Variants in DDX46 observed in about 807,000 individuals in gnomAD.
The protein encoded by DDX46 is DEAD-box helicase 46, also known as probable ATP-dependent RNA helicase DDX46.
In DDX46, 30 loss-of-function variants were observed where a neutral mutation model predicts 134.9. The observed-to-expected ratio is 0.22, with a 90% confidence interval of 0.17 to 0.30. The LOEUF is 0.30. Among genes scored for constraint, DDX46 ranks in the 10% least tolerant of loss-of-function variants. DDX46 has a pLI of 1.00. For synonymous variants in DDX46, 415 were observed against 404.1 expected (o/e 1.03, Z -0.32); for missense variants, 622 against 1,248.7 (o/e 0.50, Z 7.56).
chr5:134,806,652 T>G (rs951283604), intron 15 of DDX46, among the ~76,000 whole-genome samples: 4 of 152,248 alleles, frequency 2.6e-5, no homozygotes, highest in African/African-American at 9.6e-5. Context: ...AAGAGTACCT[T>G]TAAAATTTTA....
intron 8 of DDX46, among the ~76,000 whole-genome samples, chr5:134,782,312 C>A (rs1356915584): frequency 6.6e-6 from 1 of 151,886 alleles, no homozygotes; most frequent in African/African-American, 2.4e-5. Context: ...TCGAGACCAG[C>A]CTGGGCAATA....
chr5:134,805,633 A>G (rs894585450), intron 15 of DDX46, among the ~76,000 whole-genome samples: 8 of 151,662 alleles, frequency 5.3e-5, no homozygotes, highest in Admixed American at 3.3e-4. Context: ...GGTTCAAGCA[A>G]TTCTCCTGCT....
rs546927844 is a variant in DDX46, at chr5:134,805,485, C to G, written c.1955-2263C>G. Reference sequence around the variant, plus strand: ...CTGGCTGAGGAACTGTATTTTTAAACAAATCCAGTATTTAAAAATTTCCTC... The same window carrying G: ...CTGGCTGAGGAACTGTATTTTTAAAGAAATCCAGTATTTAAAAATTTCCTC... On this transcript the variant is annotated intron_variant, in intron 15 of 22. Transcript: ENST00000452510. Among the ~76,000 whole-genome samples, 3 of 151,366 alleles carry G rather than the reference C, an allele frequency of 2.0e-5. No individual in the cohort carries two copies. The South Asian group carries it at 6.3e-4, about 32-fold the overall frequency.
intron 21 of DDX46, among the ~76,000 whole-genome samples, chr5:134,823,130 G>A (rs1732274177): frequency 8.2e-6 from 1 of 122,586 alleles, no homozygotes; most frequent in African/African-American, 3.0e-5. Context: ...CTCAGGTTTT[G>A]TTTATCTGAG....
intron 3 of DDX46, among the ~76,000 whole-genome samples, chr5:134,769,007 G>A (rs930137913): frequency 6.6e-6 from 1 of 152,078 alleles, no homozygotes; most frequent in Non-Finnish European, 1.5e-5. Flanking sequence ...GCAGTGAGCC[G>A]AGATTGCGCC....
Position 134,758,903 on chromosome 5 carries a change from G to C in DDX46, c.-36G>C, listed in dbSNP as rs367648015. 5.0e-6 allele frequency: 8 copies of C among 1,613,504 alleles called. No individual in the cohort carries two copies. Among genetic ancestry groups the C allele is most frequent in the Non-Finnish European group, 6.8e-6 (8 of 1,179,872 alleles). On this transcript the variant is annotated 5_prime_UTR_variant, in exon 1 of 23. Coordinates refer to ENST00000452510, the MANE Select transcript of DDX46 (RefSeq NM_001300860.2). ...TGTTTGTCCGGTTCGCCTGTGCGTG[G>C]TACTCAAGGGCACCAGTATTCCCGC...
chr5:134,798,163 G>GC (rs562796309), intron 15 of DDX46, among the ~76,000 whole-genome samples: 143 of 147,410 alleles, frequency 9.7e-4, no homozygotes, highest in Middle Eastern at 3.9e-3. Flanking sequence ...AAATATCCCC[G>GC]CCCCCCACCG....
intron 15 of DDX46, among the ~76,000 whole-genome samples, chr5:134,806,032 G>A (rs1754977966): frequency 6.6e-6 from 1 of 151,256 alleles, no homozygotes; most frequent in Non-Finnish European, 1.5e-5. Flanking sequence ...GGCCAACATG[G>A]TGAAACCCTG....
chr5:134,793,577 GTATTT>G (rs200333240), intron 13 of DDX46, among the ~76,000 whole-genome samples: 1,722 of 152,098 alleles, frequency 0.011, 17 homozygotes, highest in Middle Eastern at 0.061. Context: ...GCTAATTTTT[GTATTT>G]TTAGTAGAGA....
At chr5:134,773,298 CAT>C (rs1474870216) in intron 4 of DDX46, among the ~76,000 whole-genome samples, 1 of 152,116 alleles carries the variant, frequency 6.6e-6, no homozygotes, top group Non-Finnish European at 1.5e-5. Flanking sequence ...AATTGCTTTT[CAT>C]AGAGGCAATT....
intron 1 of DDX46, among the ~76,000 whole-genome samples, chr5:134,762,249 CAAAAAAA>C (rs748727468): frequency 1.1e-5 from 1 of 93,420 alleles, no homozygotes; most frequent in Non-Finnish European, 2.3e-5. Flanking sequence ...CATCTCTACC[CAAAAAAA>C]AAAAAAAAAA....
At chr5:134,818,767 A>ATAT in intron 20 of DDX46, 93 bp from the exon 21 acceptor site, 1 of 1,056,320 alleles carries the variant, frequency 9.5e-7, no homozygotes, top group Non-Finnish European at 1.3e-6. Context: ...ACCAACCATA[A>ATAT]TATGATATCA....
Position 134,758,838 on chromosome 5 carries a change from C to A in DDX46, c.-101C>A. 1 of 1,571,476 alleles carries A rather than the reference C, an allele frequency of 6.4e-7. No homozygotes were observed. Among genetic ancestry groups the A allele is most frequent in the Non-Finnish European group, 8.7e-7 (1 of 1,143,388 alleles). The stretch of plus-strand genomic sequence containing the variant: ...AGCTGTAGGTGCTGCTAGTGTTTAG[C>A]GCTGGTCTTTGCCGGGCGTTGAGGG... On this transcript the variant is annotated 5_prime_UTR_variant, in exon 1 of 23. Coordinates refer to ENST00000452510, the MANE Select transcript of DDX46 (RefSeq NM_001300860.2).
chr5:134,807,656 T>C, intron 15 of DDX46, 92 bp from the exon 16 acceptor site: 1 of 1,163,226 alleles, frequency 8.6e-7, no homozygotes, highest in Admixed American at 2.5e-5. Context: ...GTTGGATGTG[T>C]CAATTTGTTC....
intron 1 of DDX46, among the ~76,000 whole-genome samples, chr5:134,761,092 C>T (rs1753369776): frequency 6.6e-6 from 1 of 152,126 alleles, no homozygotes; most frequent in African/African-American, 2.4e-5. Context: ...TTGAAACAAT[C>T]TTGGCTCACT....
At chr5:134,811,422 AT>A in intron 17 of DDX46, 64 bp downstream of exon 17, 11 of 1,548,166 alleles carry the variant, frequency 7.1e-6, no homozygotes, top group Non-Finnish European at 9.6e-6. Context: ...TGATTATTTA[AT>A]TCTTGGAAAT....
rs1339784376 is a variant in DDX46, at chr5:134,829,204, G to A, written c.*498G>A. 2.0e-5 allele frequency: 3 copies of A among 152,176 alleles called. No individual in the cohort carries two copies. Among genetic ancestry groups the A allele is most frequent in the African/African-American group, 7.2e-5 (3 of 41,446 alleles). The allele number at this position is 152,176 out of a possible 1,614,324, so 9.4% of individuals were successfully genotyped here. On this transcript the variant is annotated 3_prime_UTR_variant, in exon 23 of 23. Transcript: ENST00000452510. Reference sequence around the variant, plus strand: ...TTATAATAGAAGTCTTACAAAATGGGTTGAGAGTTTTTGTTTCAATTTTTA... The same window carrying A: ...TTATAATAGAAGTCTTACAAAATGGATTGAGAGTTTTTGTTTCAATTTTTA...
At chr5:134,801,480 G>A (rs746770793) in intron 15 of DDX46, among the ~76,000 whole-genome samples, 3 of 152,094 alleles carry the variant, frequency 2.0e-5, no homozygotes, top group Admixed American at 6.6e-5. Flanking sequence ...TCACTGCAAC[G>A]TCTACCTCCC....
Position 134,811,156 on chromosome 5 carries a change from C to T in DDX46, c.2149-65C>T, listed in dbSNP as rs1755130826. 8.5e-6 allele frequency: 12 copies of T among 1,414,216 alleles called. No individual in the cohort carries two copies. The South Asian group carries it at 1.7e-4, about 20-fold the overall frequency. 87.6% of individuals were successfully genotyped at this position (1,414,216 alleles called of 1,614,324 possible). A position where few individuals can be genotyped will look rare whatever the true frequency, so the allele number is the denominator to read the frequency against. ...ATTTATTAGGTGGATCAGATTTTAT[C>T]TTATGATCTAAGTAGGATCCATCTT... On this transcript the variant is annotated intron_variant, in intron 16 of 22. Transcript: ENST00000452510.
Sources: gnomAD v4.1 joint callset for allele counts (sites outside exome capture counted in the v4.1 genomes callset) on GRCh38, gnomAD v4.1.1 for gene constraint, MANE v1.5 for transcripts, NCBI Gene and HGNC (gene_info 2026-07-23, HGNC 2026-07-21) for gene names.